SMYD3: variants seen among roughly 807,000 people sequenced by gnomAD.
SMYD3 encodes the protein histone-lysine N-methyltransferase SMYD3.
Under a neutral mutation model 57.7 loss-of-function variants are expected in SMYD3, and 36 were observed. The observed-to-expected ratio is 0.62, with a 90% confidence interval of 0.48 to 0.82. The LOEUF is 0.82. SMYD3 is among the 40% of genes least tolerant of loss of function. SMYD3 has a pLI of 0.00. For missense variants in SMYD3, 515 were observed against 538.8 expected, an observed-to-expected ratio of 0.96 and a Z score of 0.44; for synonymous variants, 211 against 195.0, an observed-to-expected ratio of 1.08 and a Z score of -0.68.
intron 5 of SMYD3, among the ~76,000 whole-genome samples, chr1:246,282,056 G>A (rs374078065): frequency 6.6e-6 from 1 of 152,244 alleles, no homozygotes; most frequent in African/African-American, 2.4e-5. Flanking sequence ...AGTTCTGCAA[G>A]ACGGGGACTA....
At chr1:245,784,681 C>A (rs539052265) in intron 10 of SMYD3, among the ~76,000 whole-genome samples, 6 of 152,140 alleles carry the variant, frequency 3.9e-5, no homozygotes, top group African/African-American at 1.4e-4. Flanking sequence ...ACAAGAATGA[C>A]CTTTCTGGAA....
intron 5 of SMYD3, among the ~76,000 whole-genome samples, chr1:246,019,589 A>G (rs1321865322): frequency 1.3e-5 from 2 of 152,224 alleles, no homozygotes; most frequent in Non-Finnish European, 2.9e-5. Context: ...TGTGTTCTTG[A>G]CATAAAGGGA....
At chr1:246,417,692 T>A (rs1471207831) in intron 1 of SMYD3, among the ~76,000 whole-genome samples, 4 of 152,192 alleles carry the variant, frequency 2.6e-5, no homozygotes, top group Non-Finnish European at 5.9e-5. Flanking sequence ...TCTCAAATCT[T>A]GTGACCTCCA....
intron 1 of SMYD3, among the ~76,000 whole-genome samples, chr1:246,403,314 T>A (rs961934123): frequency 1.3e-5 from 2 of 151,524 alleles, no homozygotes; most frequent in African/African-American, 4.9e-5. Context: ...GGCAACATAG[T>A]AAGGCCCTGT....
chr1:246,083,403 C>A (rs2060672765), intron 5 of SMYD3, among the ~76,000 whole-genome samples: 1 of 151,208 alleles, frequency 6.6e-6, no homozygotes, highest in African/African-American at 2.4e-5. Context: ...ACATGTTTTC[C>A]TGCAGACCCT....
intron 1 of SMYD3, among the ~76,000 whole-genome samples, chr1:246,447,029 CAAA>C (rs57473890): frequency 1.5e-4 from 16 of 109,106 alleles, no homozygotes; most frequent in Non-Finnish European, 1.2e-4. Flanking sequence ...ACTCCGTCTC[CAAA>C]AAAAAAAAAA....
At chr1:246,383,595 A>T (rs1012692461) in intron 1 of SMYD3, among the ~76,000 whole-genome samples, 1 of 152,230 alleles carries the variant, frequency 6.6e-6, no homozygotes. Context: ...TTATCCTTTA[A>T]ACTGCAGGCA....
At chr1:246,130,305 T>C (rs750210003) in intron 5 of SMYD3, among the ~76,000 whole-genome samples, 1 of 152,172 alleles carries the variant, frequency 6.6e-6, no homozygotes. Flanking sequence ...GGCCTCCATA[T>C]TTTCAGTGTT....
chr1:246,427,290 G>A (rs559114350), intron 1 of SMYD3, among the ~76,000 whole-genome samples: 13 of 152,192 alleles, frequency 8.5e-5, no homozygotes, highest in Admixed American at 7.8e-4. Flanking sequence ...GGAGGCCGAG[G>A]CGGGCGGATC....
At chr1:246,333,534 G>A (rs900404305) in intron 3 of SMYD3, among the ~76,000 whole-genome samples, 7 of 152,026 alleles carry the variant, frequency 4.6e-5, no homozygotes, top group African/African-American at 1.4e-4. Flanking sequence ...GAATCTATAA[G>A]GAACTTAAGC....
intron 8 of SMYD3, among the ~76,000 whole-genome samples, chr1:245,871,038 AAG>A (rs2052162960): frequency 6.6e-6 from 1 of 152,234 alleles, no homozygotes; most frequent in Non-Finnish European, 1.5e-5. Flanking sequence ...AATTAGATTG[AAG>A]AGAGATGGAG....
chr1:246,155,617 A>G (rs1266787530), intron 5 of SMYD3, among the ~76,000 whole-genome samples: 4 of 152,198 alleles, frequency 2.6e-5, no homozygotes, highest in Admixed American at 2.0e-4. Context: ...CACTTATTGT[A>G]CTAAATGCTG....
intron 5 of SMYD3, among the ~76,000 whole-genome samples, chr1:246,036,815 C>T (rs536492599): frequency 1.8e-4 from 27 of 151,506 alleles, no homozygotes; most frequent in Non-Finnish European, 3.4e-4. Flanking sequence ...CCGCCCGCCT[C>T]GGCCTCCCAA....
At chr1:246,343,822 C>T (rs1288404671) in intron 2 of SMYD3, among the ~76,000 whole-genome samples, 1 of 152,114 alleles carries the variant, frequency 6.6e-6, no homozygotes, top group African/African-American at 2.4e-5. Flanking sequence ...AAACAATAGT[C>T]TAATTCTTTG....
At chr1:246,152,453 T>C (rs552602349) in intron 5 of SMYD3, among the ~76,000 whole-genome samples, 1 of 152,226 alleles carries the variant, frequency 6.6e-6, no homozygotes, top group South Asian at 2.1e-4. Context: ...GCAAGAGTTA[T>C]GTGCCTTGAA....
At chr1:246,441,814 G>C (rs2067475764) in intron 1 of SMYD3, among the ~76,000 whole-genome samples, 1 of 152,208 alleles carries the variant, frequency 6.6e-6, no homozygotes, top group South Asian at 2.1e-4. Flanking sequence ...GTTTCACCAT[G>C]CTGGCCAGGC....
intron 1 of SMYD3, among the ~76,000 whole-genome samples, chr1:246,485,515 C>T (rs1047784633): frequency 2.6e-5 from 4 of 152,178 alleles, no homozygotes; most frequent in Non-Finnish European, 5.9e-5. Flanking sequence ...GATGCGGCGG[C>T]TCACACTTAT....
At chr1:245,841,351 CT>C (rs1368036255) in intron 10 of SMYD3, among the ~76,000 whole-genome samples, 4 of 152,138 alleles carry the variant, frequency 2.6e-5, no homozygotes, top group African/African-American at 9.7e-5. Flanking sequence ...TTTTAGACTA[CT>C]TCTGGTTTCT....
intron 5 of SMYD3, among the ~76,000 whole-genome samples, chr1:245,938,223 C>G (rs1367157588): frequency 6.6e-6 from 1 of 152,196 alleles, no homozygotes; most frequent in African/African-American, 2.4e-5. Context: ...ATGACAGTAG[C>G]TGAAGTGTGC....
Sources: gnomAD v4.1 joint callset for allele counts (sites outside exome capture counted in the v4.1 genomes callset) on GRCh38, gnomAD v4.1.1 for gene constraint, MANE v1.5 for transcripts, NCBI Gene and HGNC (gene_info 2026-07-23, HGNC 2026-07-21) for gene names.